GALNT16: variants seen among roughly 807,000 people sequenced by gnomAD.
The protein encoded by GALNT16 is UDP-GalNAc:polypeptide N-acetylgalactosaminyltransferase-like protein 1.
Under a neutral mutation model 76.1 loss-of-function variants are expected in GALNT16, and 40 were observed. The observed-to-expected ratio is 0.53, with a 90% CI of 0.41 to 0.68. The LOEUF is 0.68. Ranked by LOEUF, GALNT16 falls within the 30% of genes least tolerant of loss-of-function variation. The pLI, the probability that GALNT16 is intolerant of heterozygous loss-of-function variation, is 0.00. For synonymous variants in GALNT16, 276 were observed against 285.2 expected (o/e 0.97, Z 0.32); for missense variants, 621 against 731.9 (o/e 0.85, Z 1.75).
chr14:69,336,632 T>C (rs2045418645), intron 9 of GALNT16, among the ~76,000 whole-genome samples: 1 of 152,232 alleles, frequency 6.6e-6, no homozygotes, highest in African/African-American at 2.4e-5. Context: ...ACTGGCCCTC[T>C]TCAGCTCCCA....
At chr14:69,272,543 T>C (rs985809817) in intron 1 of GALNT16, among the ~76,000 whole-genome samples, 16 of 152,172 alleles carry the variant, frequency 1.1e-4, no homozygotes, top group Non-Finnish European at 1.9e-4. Flanking sequence ...GCCACTGTAA[T>C]GTTGCAGCAC....
chr14:69,301,596 C>T (rs1010227441), intron 1 of GALNT16, among the ~76,000 whole-genome samples: 4 of 152,130 alleles, frequency 2.6e-5, no homozygotes, highest in Non-Finnish European at 5.9e-5. Context: ...GCCTCAGCCT[C>T]CCAAAGTGCT....
chr14:69,340,721 A>T (rs558781704), intron 11 of GALNT16, among the ~76,000 whole-genome samples: 102 of 152,282 alleles, frequency 6.7e-4, no homozygotes, highest in African/African-American at 2.4e-3. Context: ...CCTGATCTCA[A>T]GCGATCTGCA....
chr14:69,343,635 G>C (rs1243071628), intron 12 of GALNT16, among the ~76,000 whole-genome samples: 1 of 152,242 alleles, frequency 6.6e-6, no homozygotes, highest in African/African-American at 2.4e-5. Context: ...GAAGAAAAAA[G>C]AGCAGTCACT....
chr14:69,368,619 C>T, the GALNT16 span, among the ~76,000 whole-genome samples: 5 of 152,152 alleles, frequency 3.3e-5, no homozygotes, highest in Admixed American at 1.3e-4. Context: ...GAGAGTCATT[C>T]ATAAGTTCAG....
chr14:69,326,084 C>A (rs2045280984), intron 5 of GALNT16, 57 bp downstream of exon 5: 2 of 1,269,570 alleles, frequency 1.6e-6, no homozygotes, highest in Non-Finnish European at 2.3e-6. Flanking sequence ...ATCCTGTGCA[C>A]TTCCCCACTC....
chr14:69,331,380 G>A (rs1469844978), intron 6 of GALNT16, 84 bp from the exon 7 acceptor site: 5 of 781,858 alleles, frequency 6.4e-6, no homozygotes, highest in Non-Finnish European at 1.1e-5. Context: ...ATGTCTCAGA[G>A]AGGCCTTCTC....
chr14:69,288,826 G>A (rs1236550545), intron 1 of GALNT16, among the ~76,000 whole-genome samples: 1 of 152,142 alleles, frequency 6.6e-6, no homozygotes, highest in South Asian at 2.1e-4. Flanking sequence ...TGGAGCAGGG[G>A]CATATTTGAG....
At chr14:69,272,800 T>C (rs531487068) in intron 1 of GALNT16, among the ~76,000 whole-genome samples, 15 of 152,354 alleles carry the variant, frequency 9.8e-5, no homozygotes, top group African/African-American at 3.6e-4. Flanking sequence ...AAATACTTAT[T>C]GTGTTACCAT....
intron 12 of GALNT16, among the ~76,000 whole-genome samples, chr14:69,343,356 A>T (rs2045519913): frequency 6.6e-6 from 1 of 152,240 alleles, no homozygotes; most frequent in Non-Finnish European, 1.5e-5. Flanking sequence ...GCTAGAGATG[A>T]TTAACCCTGA....
chr14:69,315,206 G>A (rs527810515), intron 1 of GALNT16, among the ~76,000 whole-genome samples: 2 of 152,230 alleles, frequency 1.3e-5, no homozygotes, highest in South Asian at 4.1e-4. Flanking sequence ...AGGTCTAATC[G>A]AAATGATAGA....
intron 10 of GALNT16, 90 bp downstream of exon 10, chr14:69,338,867 G>A (rs917915496): frequency 3.8e-6 from 4 of 1,042,534 alleles, no homozygotes; most frequent in Non-Finnish European, 5.5e-6. Context: ...GTGACTGTGG[G>A]CAGCCACCTC....
intron 1 of GALNT16, among the ~76,000 whole-genome samples, chr14:69,310,886 G>A (rs1481664677): frequency 6.6e-6 from 1 of 152,138 alleles, no homozygotes; most frequent in Non-Finnish European, 1.5e-5. Context: ...CTGCACTCCA[G>A]CCGGGGTGAC....
upstream of GALNT16, chr14:69,259,968 G>T (rs2044237683): frequency 4.7e-6 from 1 of 211,546 alleles, no homozygotes; most frequent in African/African-American, 2.3e-5. Context: ...CTTCCCACTC[G>T]GCGCGCTTCT....
At chr14:69,335,355 C>G (rs2045403043) in intron 9 of GALNT16, among the ~76,000 whole-genome samples, 2 of 152,276 alleles carry the variant, frequency 1.3e-5, no homozygotes, top group South Asian at 4.1e-4. Flanking sequence ...AACTGGGGTG[C>G]AGTGACCCCT....
the GALNT16 span, among the ~76,000 whole-genome samples, chr14:69,363,454 CT>C: frequency 2.4e-4 from 37 of 152,310 alleles, no homozygotes; most frequent in Non-Finnish European, 4.6e-4. Flanking sequence ...GTTACTTGAA[CT>C]TTCTGAAACT....
intron 6 of GALNT16, 29 bp downstream of exon 6, chr14:69,328,600 G>A (rs781171324): frequency 2.4e-5 from 39 of 1,601,930 alleles, no homozygotes; most frequent in Middle Eastern, 1.7e-4. Flanking sequence ...GGAGCTGGGC[G>A]TCCTTGGGGA....
chr14:69,301,138 A>C (rs1481305971), intron 1 of GALNT16, among the ~76,000 whole-genome samples: 3 of 152,158 alleles, frequency 2.0e-5, no homozygotes, highest in Admixed American at 2.0e-4. Context: ...GGATTGCACC[A>C]GGGATTCTGA....
chr14:69,274,839 C>T lies in GALNT16; in HGVS notation c.177+14372C>T, dbSNP rs577757061. Among the ~76,000 whole-genome samples, 5 of 152,206 alleles carry T rather than the reference C, an allele frequency of 3.3e-5. No homozygotes were observed. The South Asian group carries it at 8.3e-4, about 25-fold the overall frequency. On this transcript the variant is annotated intron_variant, in intron 1 of 14. Transcript: ENST00000448469. ...TTTCCCCCTTGACCAGAACAGCAGG[C>T]CTGAGCTGAATGTTACTGTCCTCAT... is the stretch of plus-strand genomic sequence containing the variant.
Sources: allele counts gnomAD v4.1 joint callset (sites outside exome capture counted in the v4.1 genomes callset), GRCh38; gene constraint gnomAD v4.1.1; transcripts MANE v1.5; gene names NCBI Gene and HGNC (gene_info 2026-07-23, HGNC 2026-07-21).